Variants in AKIP1 observed in about 807,000 individuals in gnomAD.
AKIP1 encodes A-kinase-interacting protein 1.
In AKIP1, 18 loss-of-function variants were observed where a neutral mutation model predicts 22.3. The observed-to-expected ratio is 0.81, with a 90% CI of 0.56 to 1.19. The LOEUF (loss-of-function observed/expected upper bound fraction) is 1.19. Ranked by LOEUF, AKIP1 falls within the 50% of genes most tolerant of loss-of-function variation. The pLI, the probability that AKIP1 is intolerant of heterozygous loss-of-function variation, is 0.00. For missense variants in AKIP1, 287 were observed against 264.6 expected, an observed-to-expected ratio of 1.08 and a Z score of -0.59; for synonymous variants, 120 against 102.7, an observed-to-expected ratio of 1.17 and a Z score of -1.02.
In AKIP1 at chr11:8,912,981, TCTC is replaced by T. The variant is rs1205446243; in HGVS notation, c.303+451_303+453del. Among the ~76,000 whole-genome samples, 3 of 139,266 alleles carry T rather than the reference TCTC, an allele frequency of 2.2e-5. No homozygotes were observed. The East Asian group carries it at 6.9e-4, about 32-fold the overall frequency. 91.4% of individuals were successfully genotyped at this position (139,266 alleles called of 152,430 possible). Reference sequence around the variant, plus strand: ...GCTCTCCCTCCTGGGTTCACACCATTCTCCTGCCTCAGCCTCCCTAGTAGCTGG... The same window carrying T: ...GCTCTCCCTCCTGGGTTCACACCATTCTGCCTCAGCCTCCCTAGTAGCTGG... On this transcript the variant is annotated intron_variant, in intron 3 of 5. Coordinates refer to ENST00000309377, the MANE Select transcript of AKIP1 (RefSeq NM_020642.4).
chr11:8,915,729 C>A (rs2064473838), intron 4 of AKIP1, among the ~76,000 whole-genome samples: 1 of 151,424 alleles, frequency 6.6e-6, no homozygotes, highest in African/African-American at 2.4e-5. Context: ...ACTTCTGCCT[C>A]CCAGGTTCAG....
intron 1 of AKIP1, 28 bp downstream of exon 1, chr11:8,911,251 G>A (rs964492037): frequency 1.7e-6 from 1 of 589,694 alleles, no homozygotes; most frequent in Non-Finnish European, 3.0e-6. Flanking sequence ...GTAGCGGAAG[G>A]GGTAGATGAA....
Position 8,914,882 on chromosome 11 carries a change from C to T in AKIP1, c.360C>T (p.His120=), listed in dbSNP as rs1187234184. 6.2e-7 allele frequency: 1 copy of T among 1,613,910 alleles called. No individual in the cohort carries two copies. Among genetic ancestry groups the T allele is most frequent in the African/African-American group, 1.3e-5 (1 of 74,924 alleles). ...GGGCAACCCATGTCTATCGTTATCA[C>T]AGAGGCGAGTCGAAGCTGCACATGT... ...EGGATHVYRY[H]RGESKLHMCL... is the part of the protein sequence containing the mutation. Residue 120 remains histidine (H), a synonymous_variant, in exon 4 of 6, where the codon CAC becomes CAT. Transcript: ENST00000309377.
At chr11:8,915,232 A>T (rs953504117) in intron 4 of AKIP1, among the ~76,000 whole-genome samples, 1 of 152,010 alleles carries the variant, frequency 6.6e-6, no homozygotes, top group Admixed American at 6.6e-5. Context: ...AATGTGGTGT[A>T]TGCAATGATC....
chr11:8,911,491 C>T lies in AKIP1; in HGVS notation c.42C>T (p.Asp14=). ...CGGCCGCAGCGCTGAATGGGGTGGA[C>T]CGACGTTCCCTGCAGCGTTCAGCAA... ...CLAAAALNGV[D]RRSLQRSARL... is the part of the protein sequence containing the mutation. The change falls in exon 2 of 6, where the codon GAC becomes GAT. Residue 14 remains aspartate, a synonymous_variant. Transcript: ENST00000309377. 1 of 1,606,882 alleles carries T rather than the reference C, an allele frequency of 6.2e-7. No homozygotes were observed. The highest frequency in any genetic ancestry group is 1.3e-5 in the African/African-American group (1 of 75,012).
chr11:8,917,654 C>T lies in AKIP1; in HGVS notation c.489+287C>T, dbSNP rs1589926720. 2.5e-5 allele frequency: 12 copies of T among 476,624 alleles called. No individual in the cohort carries two copies. In the East Asian group the frequency reaches 2.7e-4, roughly 11 times the overall value. 29.5% of individuals were successfully genotyped at this position (476,624 alleles called of 1,614,324 possible). A position where few individuals can be genotyped will look rare whatever the true frequency, so the allele number is the denominator to read the frequency against. ...TCTCAGTTCCTACAGCTCAGCTGGGCTGGCACTGGGTCCTGCTGGAATTCC... is the reference window on the plus strand; with the variant it reads ...TCTCAGTTCCTACAGCTCAGCTGGGTTGGCACTGGGTCCTGCTGGAATTCC... On this transcript the variant is annotated intron_variant, in intron 5 of 5. Coordinates refer to ENST00000309377, the MANE Select transcript of AKIP1 (RefSeq NM_020642.4).
Position 8,914,874 on chromosome 11 carries a change from C to T in AKIP1, c.352C>T (p.Arg118Cys), listed in dbSNP as rs771033387. ...PEEGGATHVY[R>C]YHRGESKLHM... ...GGAAGGAGGGGCAACCCATGTCTAT[C>T]GTTATCACAGAGGCGAGTCGAAGCT... Residue 118 changes from arginine to cysteine, a missense_variant, in exon 4 of 6, where the codon CGT (arginine) becomes TGT (cysteine). Physicochemically the swap from Arg to Cys is radical, Grantham distance 180. Coordinates refer to ENST00000309377, the MANE Select transcript of AKIP1 (RefSeq NM_020642.4). The T allele has an allele frequency of 7.4e-6, 12 of 1,613,852 alleles. No individual in the cohort carries two copies. Among genetic ancestry groups the T allele is most frequent in the East Asian group, 4.5e-5 (2 of 44,884 alleles).
intron 1 of AKIP1, 46 bp downstream of exon 1, chr11:8,911,269 G>A: frequency 5.0e-6 from 3 of 602,434 alleles, no homozygotes; most frequent in Non-Finnish European, 8.7e-6. Context: ...GAAAATGGAA[G>A]GGGCGGGCGC....
In AKIP1 at chr11:8,914,919, G is replaced by A; in HGVS notation, c.397G>A (p.Gly133Arg). 1.2e-6 allele frequency: 2 copies of A among 1,613,528 alleles called. No homozygotes were observed. The highest frequency in any genetic ancestry group is 2.2e-5 in the South Asian group (2 of 91,054). The change falls in exon 4 of 6, where the codon GGG becomes AGG. Residue 133 changes from glycine to arginine, a missense_variant. Coordinates refer to ENST00000309377, the MANE Select transcript of AKIP1 (RefSeq NM_020642.4). ...ESKLHMCLDI[G>R]NGQRKDRKKT... ...GAAGCTGCACATGTGCTTGGACATA[G>A]GGAATGGTCAGGTAAGTGTACTCAA...
intron 3 of AKIP1, among the ~76,000 whole-genome samples, chr11:8,913,458 G>T: frequency 6.6e-6 from 1 of 152,200 alleles, no homozygotes; most frequent in East Asian, 1.9e-4. Flanking sequence ...AAAGTGCTGG[G>T]ATTACAGGCT....
rs762995502 is a variant in AKIP1 at position 8,914,806 on chromosome 11, CT to C, written c.304-17del. Reference sequence around the variant, plus strand: ...ACAAGACAATTTGGTTAGCTAACATCTTTGACATTACGTCTCTAGAAATATT... The same window carrying C: ...ACAAGACAATTTGGTTAGCTAACATCTTGACATTACGTCTCTAGAAATATT... On this transcript the variant is annotated intron_variant, in intron 3 of 5. Transcript: ENST00000309377. 1 of 1,579,990 alleles carries C rather than the reference CT, an allele frequency of 6.3e-7. No individual in the cohort carries two copies. The highest frequency in any genetic ancestry group is 1.1e-5 in the South Asian group (1 of 89,662).
Position 8,911,607 on chromosome 11 carries a change from C to T in AKIP1, c.158C>T (p.Ala53Val), listed in dbSNP as rs962839013. 11 of 1,603,724 alleles carry T rather than the reference C, an allele frequency of 6.9e-6. No homozygotes were observed. In the Admixed American group the frequency reaches 1.2e-4, roughly 18 times the overall value. ...CCCAAAGGCTGCATGGGGGTCCTTG[C>T]CCGGGAGGCGCCCCACCTAGAGAAA... ...ERPKGCMGVL[A>V]REAPHLEKQP... The change falls in exon 2 of 6, where the codon GCC (alanine) becomes GTC (valine). Residue 53 changes from alanine (A) to valine (V), a missense_variant. Transcript: ENST00000309377.
At chr11:8,915,021 T>C (rs2134806795) in intron 4 of AKIP1, 91 bp downstream of exon 4, 2 of 936,650 alleles carry the variant, frequency 2.1e-6, no homozygotes, top group African/African-American at 1.6e-5. Flanking sequence ...TTTGTGTCAC[T>C]GGATGCCCGT....
intron 5 of AKIP1, among the ~76,000 whole-genome samples, chr11:8,918,806 C>A (rs974326272): frequency 6.6e-6 from 1 of 152,192 alleles, no homozygotes; most frequent in Non-Finnish European, 1.5e-5. Flanking sequence ...GTTTTGTCAG[C>A]CAGCTGAATT....
Position 8,911,647 on chromosome 11 carries a change from C to G in AKIP1, c.198C>G (p.Gly66=), listed in dbSNP as rs1228251271. Residue 66 remains glycine, a synonymous_variant, in exon 2 of 6, where the codon GGC becomes GGG. Coordinates refer to ENST00000309377, the MANE Select transcript of AKIP1 (RefSeq NM_020642.4). ...ACCTAGAGAAACAGCCGGCAGCCGG[C>G]CCGCAGCGCGTTCTCCCGGGAGAGG... ...APHLEKQPAA[G]PQRVLPGERE... 1.3e-6 allele frequency: 2 copies of G among 1,571,790 alleles called. No individual in the cohort carries two copies. The highest frequency in any genetic ancestry group is 1.7e-6 in the Non-Finnish European group (2 of 1,161,254).
rs766313147 is a variant in AKIP1, at chr11:8,912,446, C to A, written c.223-7C>A. The A allele has an allele frequency of 1.2e-6, 2 of 1,611,598 alleles. No individual in the cohort carries two copies. Among genetic ancestry groups the A allele is most frequent in the Non-Finnish European group, 8.5e-7 (1 of 1,177,812 alleles). On this transcript the variant is annotated splice_polypyrimidine_tract_variant and splice_region_variant and intron_variant, in intron 2 of 5. Coordinates refer to ENST00000309377, the MANE Select transcript of AKIP1 (RefSeq NM_020642.4). ...GCTAACCTGTGACGTGCCATTTATT[C>A]AAATAGAGAGAAGAGAGACCCCCAA...
At chr11:8,912,119 C>G (rs1489207745) in intron 2 of AKIP1, among the ~76,000 whole-genome samples, 1 of 149,728 alleles carries the variant, frequency 6.7e-6, no homozygotes, top group Non-Finnish European at 1.5e-5. Context: ...ATCGCTTGAA[C>G]CCGGGAGGCG....
Position 8,917,545 on chromosome 11 carries a change from T to G in AKIP1, c.489+178T>G, listed in dbSNP as rs2064505463. On this transcript the variant is annotated intron_variant, in intron 5 of 5. Coordinates refer to ENST00000309377, the MANE Select transcript of AKIP1 (RefSeq NM_020642.4). Reference sequence around the variant, plus strand: ...TCAGTGTAAAATTAGGTTTTCTTGGTATTCTTCCTTCACTCTAAGCTTCAG... The same window carrying G: ...TCAGTGTAAAATTAGGTTTTCTTGGGATTCTTCCTTCACTCTAAGCTTCAG... 9.7e-6 allele frequency: 6 copies of G among 618,774 alleles called. No homozygotes were observed. The South Asian group carries it at 1.2e-4, about 12-fold the overall frequency. 38.3% of individuals were successfully genotyped at this position (618,774 alleles called of 1,614,324 possible). A position where few individuals can be genotyped will look rare whatever the true frequency, so the allele number is the denominator to read the frequency against.
rs1369629710 is a variant in AKIP1, at chr11:8,911,502, T to C, written c.53T>C (p.Leu18Pro). ...CTGAATGGGGTGGACCGACGTTCCC[T>C]GCAGCGTTCAGCAAGGCTGGCTCTA... is the stretch of plus-strand genomic sequence containing the variant. ...AALNGVDRRSLQRSARLALEV... is the reference protein window; with the variant it reads ...AALNGVDRRSPQRSARLALEV... Residue 18 changes from leucine to proline, a missense_variant, in exon 2 of 6, where the codon CTG becomes CCG. By Grantham distance (98) the Leu-to-Pro change is moderately conservative (BLOSUM62 -3). Transcript: ENST00000309377. The C allele has an allele frequency of 1.9e-6, 3 of 1,608,730 alleles. No individual in the cohort carries two copies. The highest frequency in any genetic ancestry group is 2.5e-6 in the Non-Finnish European group (3 of 1,177,990).
Sources: allele counts gnomAD v4.1 joint callset (sites outside exome capture counted in the v4.1 genomes callset), GRCh38; gene constraint gnomAD v4.1.1; transcripts MANE v1.5; gene names NCBI Gene and HGNC (gene_info 2026-07-23, HGNC 2026-07-21).